Variants in PIK3C2G observed in about 807,000 individuals in gnomAD.
PIK3C2G encodes the protein phosphatidylinositol 3-kinase C2 domain-containing subunit gamma.
A neutral mutation model predicts 181.1 loss-of-function variants in PIK3C2G; 168 were observed. The ratio of observed to expected loss-of-function variants is 0.93; its 90% CI spans 0.82 to 1.05. PIK3C2G has a LOEUF of 1.05. Among genes scored for constraint, PIK3C2G ranks in the 50% least tolerant of loss-of-function variants. The pLI, the probability that PIK3C2G is intolerant of heterozygous loss-of-function variation, is 0.00. For missense variants in PIK3C2G, 1,869 were observed against 1,732.8 expected (o/e 1.08, Z -1.40); for synonymous variants, 573 against 592.2 (o/e 0.97, Z 0.47).
chr12:18,279,760 A>G (rs1243565272), intron 1 of PIK3C2G, among the ~76,000 whole-genome samples: 1 of 152,004 alleles, frequency 6.6e-6, no homozygotes, highest in African/African-American at 2.4e-5. Context: ...AGATAATGAT[A>G]TAGCTATGTG....
chr12:18,639,538 A>G lies in PIK3C2G; in HGVS notation c.4183-891A>G, dbSNP rs547677146. Reference sequence around the variant, plus strand: ...TATAAAACTAGACTTTCAGAGTTTTAGTACCATTTACTCTACAGTTGGTCA... The same window carrying G: ...TATAAAACTAGACTTTCAGAGTTTTGGTACCATTTACTCTACAGTTGGTCA... On this transcript the variant is annotated intron_variant, in intron 31 of 32. Transcript: ENST00000538779. 4.6e-5 allele frequency among the ~76,000 whole-genome samples: 7 copies of G among 152,342 alleles called. No homozygotes were observed. The South Asian group carries it at 1.5e-3, about 32-fold the overall frequency.
rs182749968 is a variant in PIK3C2G, at chr12:18,309,015, G to A, written c.1035-4947G>A. Among the ~76,000 whole-genome samples the A allele has an allele frequency of 4.9e-3, 748 of 151,716 alleles. 5 individuals are homozygous for A. Among genetic ancestry groups the A allele is most frequent in the Non-Finnish European group, 7.8e-3 (525 of 67,670 alleles). ...GAAAATTTGGCCTCACACAAATATGGTTTGTGGAAAAGATAAATATCTTAG... is the reference window on the plus strand; with the variant it reads ...GAAAATTTGGCCTCACACAAATATGATTTGTGGAAAAGATAAATATCTTAG... On this transcript the variant is annotated intron_variant, in intron 5 of 32. Transcript: ENST00000538779.
intron 18 of PIK3C2G, among the ~76,000 whole-genome samples, chr12:18,450,564 T>C (rs1409631683): frequency 6.6e-6 from 1 of 152,248 alleles, no homozygotes; most frequent in Admixed American, 6.5e-5. Flanking sequence ...TTTCTTTTGC[T>C]GTGCAGAATC....
intron 1 of PIK3C2G, among the ~76,000 whole-genome samples, chr12:18,271,459 C>T (rs1197039095): frequency 6.6e-6 from 1 of 152,114 alleles, no homozygotes; most frequent in East Asian, 1.9e-4. Context: ...CGTTTCCAGC[C>T]TTCCTGTTGT....
At chr12:18,609,456 T>G in intron 30 of PIK3C2G, 79 bp from the exon 31 acceptor site, 1 of 753,424 alleles carries the variant, frequency 1.3e-6, no homozygotes, top group Non-Finnish European at 2.3e-6. Flanking sequence ...ATTGGTCCTG[T>G]TTTAGTTTTT....
intron 22 of PIK3C2G, among the ~76,000 whole-genome samples, chr12:18,502,799 C>T (rs1437911827): frequency 6.6e-6 from 1 of 152,204 alleles, no homozygotes; most frequent in Non-Finnish European, 1.5e-5. Context: ...ATTCTGTTCA[C>T]TCCCGCAAAT....
At chr12:18,622,582 G>T (rs1349012345) in intron 31 of PIK3C2G, among the ~76,000 whole-genome samples, 1 of 151,830 alleles carries the variant, frequency 6.6e-6, no homozygotes, top group Non-Finnish European at 1.5e-5. Flanking sequence ...CAGAAATGGG[G>T]TTGCTGGCTT....
At chr12:18,534,163 T>G (rs1943714769) in intron 24 of PIK3C2G, among the ~76,000 whole-genome samples, 2 of 151,878 alleles carry the variant, frequency 1.3e-5, no homozygotes, top group African/African-American at 2.4e-5. Context: ...TTGCTCAGAC[T>G]GGCCTCAAGC....
intron 1 of PIK3C2G, among the ~76,000 whole-genome samples, chr12:18,252,494 A>T (rs1232755798): frequency 1.3e-5 from 2 of 152,204 alleles, no homozygotes; most frequent in Non-Finnish European, 2.9e-5. Context: ...TGTATTGAAT[A>T]AAAGTTTTGT....
At chr12:18,631,793 T>G (rs1350325230) in intron 31 of PIK3C2G, among the ~76,000 whole-genome samples, 2 of 152,146 alleles carry the variant, frequency 1.3e-5, no homozygotes, top group African/African-American at 4.8e-5. Context: ...TCTAATTTGT[T>G]GGGAAAATCT....
chr12:18,684,014 A>C, the PIK3C2G span: 1 of 1,246,430 alleles, frequency 8.0e-7, no homozygotes, highest in East Asian at 2.5e-5. Flanking sequence ...CAATACATAA[A>C]ATTTCCTTTA....
At chr12:18,600,105 G>A (rs1016956004) in intron 30 of PIK3C2G, among the ~76,000 whole-genome samples, 1 of 151,922 alleles carries the variant, frequency 6.6e-6, no homozygotes, top group Non-Finnish European at 1.5e-5. Flanking sequence ...GAAAAAAAAT[G>A]TATCTTCTCT....
chr12:18,694,237 G>A, the PIK3C2G span: 15 of 604,138 alleles, frequency 2.5e-5, no homozygotes, highest in South Asian at 3.0e-4. Flanking sequence ...TTTGGAGTAC[G>A]ATGTGTAAGT....
intron 15 of PIK3C2G, among the ~76,000 whole-genome samples, chr12:18,398,983 C>T (rs993240952): frequency 6.6e-6 from 1 of 151,776 alleles, no homozygotes; most frequent in Non-Finnish European, 1.5e-5. Context: ...ATCACGAGGT[C>T]AGGAGATCGA....
chr12:18,300,161 T>G (rs539713960), intron 5 of PIK3C2G, among the ~76,000 whole-genome samples: 1 of 152,108 alleles, frequency 6.6e-6, no homozygotes, highest in Admixed American at 6.5e-5. Context: ...CATCTCATCC[T>G]GAGTTTTTCC....
At chr12:18,249,312 T>C (rs530968674) in intron 1 of PIK3C2G, among the ~76,000 whole-genome samples, 1 of 152,298 alleles carries the variant, frequency 6.6e-6, no homozygotes, top group South Asian at 2.1e-4. Flanking sequence ...GAATATCTAA[T>C]GGTGGAATTT....
the PIK3C2G span, among the ~76,000 whole-genome samples, chr12:18,725,994 C>A: frequency 6.6e-6 from 1 of 152,048 alleles, no homozygotes; most frequent in African/African-American, 2.4e-5. Context: ...TTTCTATATT[C>A]ATTCTAGAAT....
At position 18,505,354 on chromosome 12, in the gene PIK3C2G, A is replaced by C; in HGVS notation, c.3216A>C (p.Val1072=). 6.2e-7 allele frequency: 1 copy of C among 1,613,208 alleles called. No individual in the cohort carries two copies. Among genetic ancestry groups the C allele is most frequent in the Non-Finnish European group, 8.5e-7 (1 of 1,179,532 alleles). ...GWCVVTFILG[V]CDRHNDNIML... The stretch of plus-strand genomic sequence containing the variant: ...GTGTGGTAACATTCATCCTGGGAGT[A>C]TGTGACCGTCACAATGATAATATCA... Residue 1072 remains valine, a synonymous_variant, in exon 24 of 33, where the codon GTA becomes GTC. Coordinates refer to ENST00000538779, the MANE Select transcript of PIK3C2G (RefSeq NM_001288772.2).
At chr12:18,400,710 A>G (rs1473614542) in intron 16 of PIK3C2G, among the ~76,000 whole-genome samples, 1 of 151,918 alleles carries the variant, frequency 6.6e-6, no homozygotes, top group African/African-American at 2.4e-5. Context: ...TAAAGGGGAG[A>G]GTGGGTTTTT....
Sources: gnomAD v4.1 joint callset for allele counts (sites outside exome capture counted in the v4.1 genomes callset) on GRCh38, gnomAD v4.1.1 for gene constraint, MANE v1.5 for transcripts, NCBI Gene and HGNC (gene_info 2026-07-23, HGNC 2026-07-21) for gene names.